Variants in AGBL4 observed in about 807,000 individuals in gnomAD.
The protein encoded by AGBL4 is AGBL carboxypeptidase 4.
In AGBL4, 58 loss-of-function variants were observed where a neutral mutation model predicts 66.4. The ratio of observed to expected loss-of-function variants is 0.87; its 90% confidence interval spans 0.71 to 1.09. AGBL4 has a LOEUF of 1.09. Ranked by LOEUF, AGBL4 falls within the 50% of genes least tolerant of loss-of-function variation. The probability of loss-of-function intolerance (pLI) is 0.00; values close to 1 mark genes in which losing one functional copy is unlikely to be tolerated. For missense variants in AGBL4, 579 were observed against 631.0 expected (o/e 0.92, Z 0.88); for synonymous variants, 234 against 222.9 (o/e 1.05, Z -0.44).
chr1:49,390,654 C>T (rs1644825911), intron 3 of AGBL4, among the ~76,000 whole-genome samples: 1 of 152,298 alleles, frequency 6.6e-6, no homozygotes, highest in East Asian at 1.9e-4. Context: ...AGTAGTAGAG[C>T]TACCATTGGA....
At chr1:49,968,265 G>C (rs1049396015) in intron 1 of AGBL4, among the ~76,000 whole-genome samples, 1 of 151,216 alleles carries the variant, frequency 6.6e-6, no homozygotes, top group African/African-American at 2.4e-5. Flanking sequence ...ATCTATCATG[G>C]CTCTACAAAA....
intron 6 of AGBL4, among the ~76,000 whole-genome samples, chr1:48,757,882 T>C (rs1644026506): frequency 6.6e-6 from 1 of 152,212 alleles, no homozygotes; most frequent in African/African-American, 2.4e-5. Flanking sequence ...TTAATTACTG[T>C]CTTCAGGGGC....
At chr1:49,598,961 G>A (rs535342871) in intron 3 of AGBL4, among the ~76,000 whole-genome samples, 4 of 152,244 alleles carry the variant, frequency 2.6e-5, no homozygotes, top group African/African-American at 4.8e-5. Context: ...CAACTTGATC[G>A]AGGTAGATAA....
intron 5 of AGBL4, among the ~76,000 whole-genome samples, chr1:48,958,093 C>A (rs867686893): frequency 2.0e-5 from 3 of 151,910 alleles, no homozygotes; most frequent in Non-Finnish European, 4.4e-5. Context: ...CTGCTGACCT[C>A]GTGATCCGCC....
chr1:49,387,843 A>G (rs183196955), intron 3 of AGBL4, among the ~76,000 whole-genome samples: 23 of 152,224 alleles, frequency 1.5e-4, no homozygotes, highest in Admixed American at 7.2e-4. Context: ...TAAGAGTTAC[A>G]ATATTTGAAG....
chr1:49,156,716 C>A (rs1206034340), intron 4 of AGBL4, among the ~76,000 whole-genome samples: 1 of 152,130 alleles, frequency 6.6e-6, no homozygotes, highest in African/African-American at 2.4e-5. Flanking sequence ...AAACTTATTT[C>A]AGAGTAATAT....
chr1:48,620,624 T>A (rs1187839248), intron 9 of AGBL4, among the ~76,000 whole-genome samples: 1 of 152,202 alleles, frequency 6.6e-6, no homozygotes, highest in Non-Finnish European at 1.5e-5. Context: ...CAGCTGTTTT[T>A]AAAATGCTTA....
intron 4 of AGBL4, among the ~76,000 whole-genome samples, chr1:49,224,504 C>G (rs754404900): frequency 6.6e-5 from 10 of 150,914 alleles, no homozygotes; most frequent in Non-Finnish European, 1.3e-4. Flanking sequence ...GTAGTCCCCA[C>G]TACTTGGGAG....
chr1:49,045,161 G>A lies in AGBL4; in HGVS notation c.594+423C>T, dbSNP rs1295751754. Among the ~76,000 whole-genome samples the A allele has an allele frequency of 3.3e-5, 5 of 152,216 alleles. No homozygotes were observed. The East Asian group carries it at 9.6e-4, about 29-fold the overall frequency. ...ACTTGCTAACCTGTACTGCAGGCAAGTTTGGTTCACTAAGAAATGTATTCT... is the reference window on the plus strand; with the variant it reads ...ACTTGCTAACCTGTACTGCAGGCAAATTTGGTTCACTAAGAAATGTATTCT... On this transcript the variant is annotated intron_variant, in intron 5 of 13. Transcript: ENST00000371839.
chr1:49,594,804 G>T (rs1644820895), intron 3 of AGBL4, among the ~76,000 whole-genome samples: 1 of 152,130 alleles, frequency 6.6e-6, no homozygotes, highest in Non-Finnish European at 1.5e-5. Context: ...CTTTGCTATT[G>T]TGAATAGTGC....
chr1:49,076,022 C>A (rs374302946), intron 4 of AGBL4, among the ~76,000 whole-genome samples: 2 of 152,166 alleles, frequency 1.3e-5, no homozygotes, highest in African/African-American at 2.4e-5. Context: ...CCCTGGCAAT[C>A]GGCATAGAGT....
chr1:49,289,594 T>C (rs1644495604), intron 3 of AGBL4, among the ~76,000 whole-genome samples: 1 of 152,212 alleles, frequency 6.6e-6, no homozygotes, highest in South Asian at 2.1e-4. Context: ...GTTATATTTA[T>C]AATTTGTACA....
At chr1:49,962,044 CAAAAA>C (rs1462810401) in intron 1 of AGBL4, among the ~76,000 whole-genome samples, 2 of 152,022 alleles carry the variant, frequency 1.3e-5, no homozygotes, top group Non-Finnish European at 2.9e-5. Flanking sequence ...TATTTGAAGA[CAAAAA>C]AGAGAAGCTC....
intron 3 of AGBL4, among the ~76,000 whole-genome samples, chr1:49,574,009 T>A (rs1045877161): frequency 6.6e-6 from 1 of 152,154 alleles, no homozygotes; most frequent in Non-Finnish European, 1.5e-5. Context: ...AGTGATGGCC[T>A]CCCCTGAGGC....
At chr1:49,747,592 T>C (rs1169184160) in intron 2 of AGBL4, among the ~76,000 whole-genome samples, 3 of 152,286 alleles carry the variant, frequency 2.0e-5, no homozygotes, top group Non-Finnish European at 4.4e-5. Context: ...TAGCATTTGA[T>C]CTCTAAACTA....
Position 48,534,184 on chromosome 1 carries a change from T to C in AGBL4, c.1501A>G (p.Thr501Ala), listed in dbSNP as rs1643932772. ...AGGACTCCGTGTCTTTAAAAAGGGG[T>C]TGAAGGGTCTTTGTGGTTCACTGAG... ...KSSVNHKDPS[T>A]PF The change falls in exon 14 of 14, where the codon ACC becomes GCC. Residue 501 changes from threonine (T) to alanine (A), a missense_variant. Physicochemically the swap from Thr to Ala is moderately conservative, Grantham distance 58. Coordinates refer to ENST00000371839, the MANE Select transcript of AGBL4 (RefSeq NM_032785.4). The C allele has an allele frequency of 6.4e-7, 1 of 1,551,318 alleles. No individual in the cohort carries two copies. Among genetic ancestry groups the C allele is most frequent in the East Asian group, 2.4e-5 (1 of 40,896 alleles).
At chr1:49,183,261 A>T (rs1383539861) in intron 4 of AGBL4, among the ~76,000 whole-genome samples, 2 of 152,152 alleles carry the variant, frequency 1.3e-5, no homozygotes, top group African/African-American at 2.4e-5. Context: ...TATATTAAAA[A>T]CTGACCTCTA....
chr1:48,759,669 G>T (rs1194879414), intron 6 of AGBL4, among the ~76,000 whole-genome samples: 1 of 152,222 alleles, frequency 6.6e-6, no homozygotes, highest in African/African-American at 2.4e-5. Flanking sequence ...ATATGTATTT[G>T]TGGAGAATCA....
intron 8 of AGBL4, among the ~76,000 whole-genome samples, chr1:48,641,754 G>A (rs1483597459): frequency 6.6e-6 from 1 of 152,122 alleles, no homozygotes; most frequent in Non-Finnish European, 1.5e-5. Flanking sequence ...GCAAGGACAA[G>A]TGACAGAGGC....
Sources: allele counts gnomAD v4.1 joint callset (sites outside exome capture counted in the v4.1 genomes callset), GRCh38; gene constraint gnomAD v4.1.1; transcripts MANE v1.5; gene names NCBI Gene and HGNC (gene_info 2026-07-23, HGNC 2026-07-21).